TATDN1: variants seen among roughly 807,000 people sequenced by gnomAD.
The protein encoded by TATDN1 is deoxyribonuclease TATDN1.
TATDN1 carries 40 observed loss-of-function variants against 46.4 expected under a neutral mutation model. That is an observed-to-expected ratio of 0.86 (90% confidence interval 0.67 to 1.12). The LOEUF (loss-of-function observed/expected upper bound fraction) is 1.12, where lower values mean the gene tolerates loss of function less well. Ranked by LOEUF, TATDN1 falls within the 50% of genes most tolerant of loss-of-function variation. The pLI is 0.00. For synonymous variants in TATDN1, 95 were observed against 105.6 expected (o/e 0.90, Z 0.62); for missense variants, 326 against 348.4 (o/e 0.94, Z 0.51).
At chr8:124,523,024 GATTA>G (rs768820644) in intron 1 of TATDN1, 22 bp from the exon 2 acceptor site, 2 of 1,601,762 alleles carry the variant, frequency 1.2e-6, no homozygotes, top group Non-Finnish European at 8.5e-7. Flanking sequence ...AAAAGTCACT[GATTA>G]ATTATTGAGT....
At chr8:124,515,389 A>AC (rs1040561245) in intron 6 of TATDN1, among the ~76,000 whole-genome samples, 5 of 152,158 alleles carry the variant, frequency 3.3e-5, no homozygotes, top group African/African-American at 1.2e-4. Flanking sequence ...AAAAAACAAA[A>AC]CAAAACAATC....
chr8:124,531,547 T>A (rs1820958992), intron 1 of TATDN1, among the ~76,000 whole-genome samples: 2 of 152,146 alleles, frequency 1.3e-5, no homozygotes, highest in South Asian at 4.1e-4. Flanking sequence ...TAGGAATGGT[T>A]TTTCTCAAGC....
At chr8:124,500,302 T>G (rs890278332) in intron 9 of TATDN1, among the ~76,000 whole-genome samples, 2 of 152,228 alleles carry the variant, frequency 1.3e-5, no homozygotes, top group African/African-American at 4.8e-5. Flanking sequence ...AACATCCACT[T>G]TAATAAATGA....
chr8:124,494,599 C>T, intron 10 of TATDN1: 1 of 152,106 alleles, frequency 6.6e-6, no homozygotes, highest in African/African-American at 2.4e-5. Flanking sequence ...GGCTGGAGTA[C>T]AGTAGCACAA....
intron 11 of TATDN1, chr8:124,489,602 C>G (rs964398819): frequency 1.3e-5 from 2 of 152,018 alleles, no homozygotes; most frequent in African/African-American, 4.8e-5. Flanking sequence ...TTAGTAGAGA[C>G]GGGGTTTCAC....
intron 9 of TATDN1, chr8:124,503,972 G>C (rs1403325900): frequency 3.1e-6 from 4 of 1,302,122 alleles, no homozygotes; most frequent in Middle Eastern, 2.1e-4. Context: ...ATGTTTTCAA[G>C]GGATCAAATG....
chr8:124,524,803 G>T (rs1236334386), intron 1 of TATDN1, among the ~76,000 whole-genome samples: 1 of 152,136 alleles, frequency 6.6e-6, no homozygotes, highest in Admixed American at 6.5e-5. Context: ...TTACTAAGAG[G>T]AAACATCAAA....
intron 6 of TATDN1, among the ~76,000 whole-genome samples, chr8:124,513,050 G>A (rs1819166475): frequency 6.6e-6 from 1 of 152,020 alleles, no homozygotes; most frequent in Admixed American, 6.6e-5. Flanking sequence ...AAGTAGCTGG[G>A]ATTACAGGTG....
intron 3 of TATDN1, among the ~76,000 whole-genome samples, chr8:124,520,812 G>A (rs554819399): frequency 5.3e-5 from 8 of 151,172 alleles, no homozygotes; most frequent in Admixed American, 1.3e-4. Flanking sequence ...GTGTGGTGGC[G>A]GGCGCCTGTA....
chr8:124,505,595 G>A (rs1172757594), intron 8 of TATDN1, among the ~76,000 whole-genome samples: 5 of 148,948 alleles, frequency 3.4e-5, no homozygotes, highest in Non-Finnish European at 7.4e-5. Context: ...TTAGCAAGCA[G>A]AAGGGATTGA....
chr8:124,522,073 C>A, intron 3 of TATDN1, 78 bp downstream of exon 3: 1 of 1,005,004 alleles, frequency 1.0e-6, no homozygotes, highest in Non-Finnish European at 1.5e-6. Flanking sequence ...TTGTTCCTTT[C>A]TATTCTGCAA....
chr8:124,517,974 G>A (rs1387598708), intron 4 of TATDN1, among the ~76,000 whole-genome samples: 2 of 152,104 alleles, frequency 1.3e-5, no homozygotes, highest in Admixed American at 1.3e-4. Flanking sequence ...CGCTTTGGGA[G>A]GCCGAGGCAG....
intron 11 of TATDN1, among the ~76,000 whole-genome samples, chr8:124,490,606 C>A (rs1340478848): frequency 6.6e-6 from 1 of 152,192 alleles, no homozygotes; most frequent in Non-Finnish European, 1.5e-5. Context: ...CTTCGAATAA[C>A]CCTTCTGTAG....
intron 1 of TATDN1, among the ~76,000 whole-genome samples, chr8:124,535,420 T>C: frequency 6.6e-6 from 1 of 152,308 alleles, no homozygotes; most frequent in East Asian, 1.9e-4. Context: ...ATTCAAAAAT[T>C]TAAGGAACAA....
At chr8:124,513,869 A>G (rs1819236352) in intron 6 of TATDN1, among the ~76,000 whole-genome samples, 1 of 152,214 alleles carries the variant, frequency 6.6e-6, no homozygotes, top group South Asian at 2.1e-4. Context: ...CTTAACCTAA[A>G]GAACTATTAA....
chr8:124,516,008 T>G lies in TATDN1; in HGVS notation c.225A>C (p.Gly75=). The change falls in exon 5 of 12, where the codon GGA becomes GGC. Residue 75 remains glycine (G), a synonymous_variant. Transcript: ENST00000276692. ...QTNGMFFSTV[G]CHPTRCGEFE... ...ATTCACCACATCTTGTAGGATGACATCCAACTGTACTGAAAAACATACCTA... is the reference window on the plus strand; with the variant it reads ...ATTCACCACATCTTGTAGGATGACAGCCAACTGTACTGAAAAACATACCTA... 1 of 1,613,064 alleles carries G rather than the reference T, an allele frequency of 6.2e-7. No homozygotes were observed. Among genetic ancestry groups the G allele is most frequent in the Non-Finnish European group, 8.5e-7 (1 of 1,179,686 alleles).
chr8:124,513,284 A>C (rs939402256), intron 6 of TATDN1, among the ~76,000 whole-genome samples: 5 of 152,164 alleles, frequency 3.3e-5, no homozygotes, highest in Non-Finnish European at 7.4e-5. Flanking sequence ...TGCCTATCTT[A>C]TCAAAATTTC....
At chr8:124,493,701 T>C in intron 11 of TATDN1, 132 bp downstream of exon 11, 2 of 1,005,746 alleles carry the variant, frequency 2.0e-6, no homozygotes, top group Non-Finnish European at 2.9e-6. Context: ...ATCACTGCAT[T>C]AATATGGTGG....
At chr8:124,524,023 G>A (rs1159193726) in intron 1 of TATDN1, among the ~76,000 whole-genome samples, 2 of 152,154 alleles carry the variant, frequency 1.3e-5, no homozygotes, top group Non-Finnish European at 2.9e-5. Context: ...TTAGCAGGAG[G>A]AGAATCTCAA....
Sources: allele counts gnomAD v4.1 joint callset (sites outside exome capture counted in the v4.1 genomes callset), GRCh38; gene constraint gnomAD v4.1.1; transcripts MANE v1.5; gene names NCBI Gene and HGNC (gene_info 2026-07-23, HGNC 2026-07-21).